GPHN: variants seen among roughly 807,000 people sequenced by gnomAD.
GPHN encodes gephyrin.
A neutral mutation model predicts 95.5 loss-of-function variants in GPHN; 17 were observed. The observed-to-expected ratio is 0.18, with a 90% CI of 0.12 to 0.27. The LOEUF (loss-of-function observed/expected upper bound fraction) is 0.27, where lower values mean the gene tolerates loss of function less well. GPHN is among the 10% of genes least tolerant of loss of function. The pLI, the probability that GPHN is intolerant of heterozygous loss-of-function variation, is 1.00. For synonymous variants in GPHN, 320 were observed against 322.5 expected (o/e 0.99, Z 0.08); for missense variants, 660 against 978.1 (o/e 0.67, Z 4.34).
the GPHN span, among the ~76,000 whole-genome samples, chr14:67,641,647 T>C: frequency 6.6e-6 from 1 of 152,176 alleles, no homozygotes; most frequent in Non-Finnish European, 1.5e-5. Flanking sequence ...GTTTATAATA[T>C]GTGAATTTCT....
At chr14:67,627,370 A>G in the GPHN span, among the ~76,000 whole-genome samples, 1 of 151,442 alleles carries the variant, frequency 6.6e-6, no homozygotes, top group Non-Finnish European at 1.5e-5. Flanking sequence ...ATACTTATGT[A>G]AGTTTTATGT....
intron 1 of GPHN, among the ~76,000 whole-genome samples, chr14:66,520,500 G>T (rs1594801032): frequency 1.3e-5 from 2 of 152,170 alleles, no homozygotes; most frequent in South Asian, 2.1e-4. Flanking sequence ...TGACTTAAGG[G>T]ACTCAAATAA....
intron 3 of GPHN, among the ~76,000 whole-genome samples, chr14:66,790,592 A>G (rs1245003563): frequency 6.6e-6 from 1 of 152,240 alleles, no homozygotes; most frequent in Admixed American, 6.5e-5. Context: ...TACAAGGTCA[A>G]GCTCCCAAGG....
At position 66,583,510 on chromosome 14, in the gene GPHN, C is replaced by T. The variant is rs190233567; in HGVS notation, c.64+74919C>T. ...CCTAGGTTTTTTTCTAGGGTTTTTACGGTTTTAGGTCTAACATGTAAGTCT... is the reference window on the plus strand; with the variant it reads ...CCTAGGTTTTTTTCTAGGGTTTTTATGGTTTTAGGTCTAACATGTAAGTCT... On this transcript the variant is annotated intron_variant, in intron 1 of 22. Coordinates refer to ENST00000478722, the MANE Select transcript of GPHN (RefSeq NM_020806.5). Among the ~76,000 whole-genome samples, 1,278 of 152,010 alleles carry T rather than the reference C, an allele frequency of 8.4e-3. 16 individuals are homozygous for T. Among genetic ancestry groups the T allele is most frequent in the African/African-American group, 0.029 (1,192 of 41,470 alleles).
the GPHN span, chr14:67,555,693 C>G: frequency 7.6e-7 from 1 of 1,318,688 alleles, no homozygotes; most frequent in Non-Finnish European, 1.0e-6. Flanking sequence ...CTGACACTCT[C>G]GAGCCACTTG....
chr14:67,432,753 C>T, the GPHN span, among the ~76,000 whole-genome samples: 4 of 152,036 alleles, frequency 2.6e-5, no homozygotes, highest in Non-Finnish European at 5.9e-5. Flanking sequence ...GGGAGAATCT[C>T]GGGCTTCTCT....
chr14:67,145,462 C>T (rs980357609), intron 18 of GPHN, among the ~76,000 whole-genome samples: 2 of 151,994 alleles, frequency 1.3e-5, no homozygotes, highest in East Asian at 3.9e-4. Context: ...ATTTTTTTTA[C>T]TCTCTGTATA....
At chr14:66,999,580 G>A (rs942319012) in intron 9 of GPHN, among the ~76,000 whole-genome samples, 2 of 151,150 alleles carry the variant, frequency 1.3e-5, no homozygotes, top group African/African-American at 2.4e-5. Flanking sequence ...TTGGCTTTAC[G>A]TTTAGAATAC....
chr14:67,422,366 C>T, the GPHN span, among the ~76,000 whole-genome samples: 1 of 152,162 alleles, frequency 6.6e-6, no homozygotes, highest in South Asian at 2.1e-4. Context: ...GGTGTCTTCC[C>T]CCGTGTGGTA....
intron 1 of GPHN, among the ~76,000 whole-genome samples, chr14:66,570,321 T>C (rs1447094764): frequency 7.2e-6 from 1 of 138,948 alleles, no homozygotes; most frequent in Non-Finnish European, 1.5e-5. Context: ...TTTTTTGAGA[T>C]GGAGTTTCGC....
At chr14:67,663,345 T>C in the GPHN span, among the ~76,000 whole-genome samples, 1 of 152,150 alleles carries the variant, frequency 6.6e-6, no homozygotes, top group African/African-American at 2.4e-5. Context: ...TTTAAATAAA[T>C]GTATTTTACA....
the GPHN span, chr14:67,381,737 C>A: frequency 7.8e-7 from 1 of 1,283,108 alleles, no homozygotes; most frequent in South Asian, 1.3e-5. Context: ...TCACCTAAAC[C>A]AAATAGGATC....
chr14:67,577,430 G>A, the GPHN span: 20 of 1,481,002 alleles, frequency 1.4e-5, no homozygotes, highest in Middle Eastern at 1.7e-4. Flanking sequence ...TTGGGGTGGC[G>A]GCCAGGCCCA....
At chr14:66,673,235 A>C (rs954197450) in intron 1 of GPHN, among the ~76,000 whole-genome samples, 1 of 151,952 alleles carries the variant, frequency 6.6e-6, no homozygotes, top group African/African-American at 2.4e-5. Context: ...TGGGACTACC[A>C]GTGCGTGCCA....
the GPHN span, among the ~76,000 whole-genome samples, chr14:67,694,196 AG>A: frequency 6.6e-6 from 1 of 152,156 alleles, no homozygotes; most frequent in Non-Finnish European, 1.5e-5. Flanking sequence ...AAATGCTGAC[AG>A]GGAGGCAGAT....
At chr14:66,973,999 A>G (rs994131646) in intron 9 of GPHN, among the ~76,000 whole-genome samples, 2 of 152,144 alleles carry the variant, frequency 1.3e-5, no homozygotes, top group Non-Finnish European at 2.9e-5. Flanking sequence ...CCTCCAGACT[A>G]TTTTACTCAC....
intron 11 of GPHN, among the ~76,000 whole-genome samples, chr14:67,079,462 T>C (rs193157571): frequency 6.6e-6 from 1 of 152,214 alleles, no homozygotes; most frequent in Admixed American, 6.5e-5. Context: ...CTAGTCTACT[T>C]CCTGTTTCTA....
chr14:67,529,196 C>T, the GPHN span, among the ~76,000 whole-genome samples: 55 of 152,252 alleles, frequency 3.6e-4, no homozygotes, highest in Non-Finnish European at 1.5e-4. Context: ...GATTTACAAA[C>T]GAGGAACACC....
At chr14:67,047,367 T>TGTTTG (rs1280416718) in intron 10 of GPHN, among the ~76,000 whole-genome samples, 2 of 82,840 alleles carry the variant, frequency 2.4e-5, no homozygotes, top group Admixed American at 1.2e-4. Flanking sequence ...TGTGTGTTTG[T>TGTTTG]TTTTTTTTTT....
Sources: allele counts gnomAD v4.1 joint callset (sites outside exome capture counted in the v4.1 genomes callset), GRCh38; gene constraint gnomAD v4.1.1; transcripts MANE v1.5; gene names NCBI Gene and HGNC (gene_info 2026-07-23, HGNC 2026-07-21).